The following FAM234A variants were observed in gnomAD, a reference collection of about 807,000 sequenced individuals.
FAM234A encodes family with sequence similarity 234 member A.
In FAM234A, 42 loss-of-function variants were observed where a neutral mutation model predicts 49.1. That is an observed-to-expected ratio of 0.86 (90% CI 0.67 to 1.11). The LOEUF is 1.11. FAM234A is among the 50% of genes least tolerant of loss of function. The pLI is 0.00. For synonymous variants in FAM234A, 369 were observed against 316.2 expected, an observed-to-expected ratio of 1.17 and a Z score of -1.77; for missense variants, 815 against 745.2, an observed-to-expected ratio of 1.09 and a Z score of -1.09.
chr16:264,153 G>A lies in FAM234A; in HGVS notation c.1326G>A (p.Leu442=). 6.2e-7 allele frequency: 1 copy of A among 1,604,976 alleles called. No homozygotes were observed. Among genetic ancestry groups the A allele is most frequent in the Non-Finnish European group, 8.5e-7 (1 of 1,178,858 alleles). The change falls in exon 11 of 13, where the codon CTG becomes CTA. Residue 442 remains leucine, a synonymous_variant. Coordinates refer to ENST00000399932, the MANE Select transcript of FAM234A (RefSeq NM_032039.4). ...SAFFFWGLHE[L]GSTSETETGE... is the part of the protein sequence containing the mutation. ...TCTTCTTCTGGGGCCTCCACGAGCTGGGGAGCACCAGCGAGACGGTACGGG... is the reference window on the plus strand; with the variant it reads ...TCTTCTTCTGGGGCCTCCACGAGCTAGGGAGCACCAGCGAGACGGTACGGG...
At chr16:239,069 G>A (rs868867971) in intron 1 of FAM234A, among the ~76,000 whole-genome samples, 4 of 145,382 alleles carry the variant, frequency 2.8e-5, no homozygotes, top group Admixed American at 1.4e-4. Context: ...GCGACAGAGC[G>A]AGCCTACGTC....
chr16:259,238 A>T (rs2051359546), intron 3 of FAM234A, among the ~76,000 whole-genome samples: 1 of 152,182 alleles, frequency 6.6e-6, no homozygotes, highest in Non-Finnish European at 1.5e-5. Context: ...GTGCCAGAAC[A>T]TCCAATTCTT....
In FAM234A at chr16:265,683, G is replaced by A; in HGVS notation, c.*661G>A. On this transcript the variant is annotated 3_prime_UTR_variant, in exon 13 of 13. Transcript: ENST00000399932. ...GGTCTCCCCCAGCAGGATGGGTGGG[G>A]CCTGCTCTGGAGCTGAGCCCGTGGC... 5.1e-6 allele frequency: 5 copies of A among 985,538 alleles called. No homozygotes were observed. Among genetic ancestry groups the A allele is most frequent in the Non-Finnish European group, 6.0e-6 (5 of 830,032 alleles). 61.0% of individuals were successfully genotyped at this position (985,538 alleles called of 1,614,324 possible).
At position 264,560 on chromosome 16, in the gene FAM234A, C is replaced by T. The variant is rs539722150; in HGVS notation, c.1345-54C>T. The T allele has an allele frequency of 8.8e-5, 101 of 1,144,616 alleles. No individual in the cohort carries two copies. In the African/African-American group the frequency reaches 1.4e-3, roughly 16 times the overall value. The allele number at this position is 1,144,616 out of a possible 1,614,324, so 70.9% of individuals were successfully genotyped here. A position where few individuals can be genotyped will look rare whatever the true frequency, so the allele number is the denominator to read the frequency against. ...GGCACGGTCACTCTGACAGCAGTGT[C>T]CTGTGGGAGTGCTCAGTGAAGGGCG... On this transcript the variant is annotated intron_variant, in intron 11 of 12. Coordinates refer to ENST00000399932, the MANE Select transcript of FAM234A (RefSeq NM_032039.4).
In FAM234A at chr16:263,777, T is replaced by C. The variant is rs199973114; in HGVS notation, c.1188+2T>C. 8.9e-5 allele frequency: 143 copies of C among 1,610,548 alleles called. No homozygotes were observed. The highest frequency in any genetic ancestry group is 1.1e-4 in the Non-Finnish European group (126 of 1,176,780). On this transcript the variant is annotated splice_donor_variant, in intron 10 of 12. Coordinates refer to ENST00000399932, the MANE Select transcript of FAM234A (RefSeq NM_032039.4). LOFTEE classifies it high-confidence loss of function. ...AACGGAACTGGCACCGACAGACAGG[T>C]TCGTTGTTCTTCCTTCGGAGGTGGC...
intron 3 of FAM234A, among the ~76,000 whole-genome samples, chr16:257,752 G>A (rs1344265027): frequency 6.6e-6 from 1 of 152,160 alleles, no homozygotes; most frequent in Non-Finnish European, 1.5e-5. Context: ...TTCAGAGGCT[G>A]AGACAGGAGG....
intron 1 of FAM234A, among the ~76,000 whole-genome samples, chr16:238,661 G>T (rs1181352656): frequency 6.6e-6 from 1 of 150,992 alleles, no homozygotes; most frequent in African/African-American, 2.4e-5. Flanking sequence ...AGCCACTCCG[G>T]AGGCTGAGGC....
In FAM234A at chr16:254,479, G is replaced by A. The variant is rs374571868; in HGVS notation, c.66G>A (p.Gln22=). 2.2e-5 allele frequency: 35 copies of A among 1,614,092 alleles called. No individual in the cohort carries two copies. Among genetic ancestry groups the A allele is most frequent in the African/African-American group, 8.0e-5 (6 of 74,930 alleles). The change falls in exon 3 of 13, where the codon CAG becomes CAA. Residue 22 remains glutamine (Q), a synonymous_variant. Coordinates refer to ENST00000399932, the MANE Select transcript of FAM234A (RefSeq NM_032039.4). ...HPLKNEERKS[Q]ENLGNPSKNE... is the part of the protein sequence containing the mutation. The stretch of plus-strand genomic sequence containing the variant: ...TGAAAAATGAAGAAAGAAAATCGCA[G>A]GAAAATCTGGGAAATCCATCAAAAA...
At chr16:269,149 C>T, downstream of FAM234A, 1 of 937,070 alleles carries the variant, frequency 1.1e-6, no homozygotes, top group Non-Finnish European at 1.7e-6. Flanking sequence ...CCCCTGGGCA[C>T]AAGGGGACAC....
chr16:269,412 G>A (rs200458825), downstream of FAM234A: 2 of 1,589,548 alleles, frequency 1.3e-6, no homozygotes, highest in African/African-American at 2.7e-5. Flanking sequence ...CTGAGAACAG[G>A]CTGGCCAGCT....
In FAM234A at chr16:254,558, G is replaced by A. The variant is rs772840727; in HGVS notation, c.145G>A (p.Ala49Thr). Reference sequence around the variant, plus strand: ...ACAGTCCCGGCTCTCCCGGTGCCGAGCGGCGGCGTTTTTTCTTTCATTGTT... The same window carrying A: ...ACAGTCCCGGCTCTCCCGGTGCCGAACGGCGGCGTTTTTTCTTTCATTGTT... ...PPQSRLSRCR[A>T]AAFFLSLFLC... Residue 49 changes from alanine to threonine, a missense_variant, in exon 3 of 13, where the codon GCG becomes ACG. By Grantham distance (58) the Ala-to-Thr change is moderately conservative (BLOSUM62 0). Transcript: ENST00000399932. 6.2e-7 allele frequency: 1 copy of A among 1,614,212 alleles called. No homozygotes were observed. The highest frequency in any genetic ancestry group is 8.5e-7 in the Non-Finnish European group (1 of 1,180,050).
chr16:262,656 C>T, intron 8 of FAM234A, 103 bp downstream of exon 8: 1 of 1,256,002 alleles, frequency 8.0e-7, no homozygotes, highest in Non-Finnish European at 1.0e-6. Flanking sequence ...AGAGCAGCCC[C>T]ACCGGCAGGG....
In FAM234A at chr16:263,733, C is replaced by G; in HGVS notation, c.1146C>G (p.Thr382=). Residue 382 remains threonine, a synonymous_variant, in exon 10 of 13, where the codon ACC becomes ACG. Coordinates refer to ENST00000399932, the MANE Select transcript of FAM234A (RefSeq NM_032039.4). The part of the protein sequence containing the change: ...KPIFGRYKPD[T]LAVAVENGTG... ...TCTTCGGCCGCTACAAACCAGACAC[C>G]TTGGCTGTAGCCGTTGAAAACGGAA... 10 of 1,614,130 alleles carry G rather than the reference C, an allele frequency of 6.2e-6. No homozygotes were observed. Among genetic ancestry groups the G allele is most frequent in the Non-Finnish European group, 8.5e-6 (10 of 1,179,986 alleles).
downstream of FAM234A, among the ~76,000 whole-genome samples, chr16:266,363 G>A (rs551895071): frequency 1.6e-4 from 24 of 152,346 alleles, no homozygotes; most frequent in Non-Finnish European, 2.5e-4. Context: ...CCATGCAAGC[G>A]GGTGTGCTCC....
intron 6 of FAM234A, 97 bp downstream of exon 6, chr16:261,611 C>T (rs1161677795): frequency 9.1e-6 from 13 of 1,421,790 alleles, no homozygotes; most frequent in East Asian, 7.6e-5. Context: ...AGACAGGATT[C>T]GGGTCTGACC....
intron 1 of FAM234A, among the ~76,000 whole-genome samples, chr16:237,280 A>G (rs952475251): frequency 1.3e-5 from 2 of 151,930 alleles, no homozygotes; most frequent in African/African-American, 4.8e-5. Flanking sequence ...TAACAACACA[A>G]AGTTTAATGG....
chr16:262,372 C>A lies in FAM234A; in HGVS notation c.842-52C>A. The A allele has an allele frequency of 3.2e-6, 5 of 1,558,060 alleles. No individual in the cohort carries two copies. The East Asian group carries it at 1.1e-4, about 35-fold the overall frequency. On this transcript the variant is annotated intron_variant, in intron 7 of 12. Transcript: ENST00000399932. ...CATGTGGCACTGCGTGCCCCTGGTC[C>A]GGGTTCACAGCGTGACCCTGGTGAC...
At chr16:244,514 C>G (rs967934788) in intron 1 of FAM234A, among the ~76,000 whole-genome samples, 5 of 152,110 alleles carry the variant, frequency 3.3e-5, no homozygotes, top group Non-Finnish European at 5.9e-5. Flanking sequence ...GGTTCTTCCT[C>G]TAAAACTTAC....
intron 3 of FAM234A, among the ~76,000 whole-genome samples, chr16:255,594 T>C (rs988068942): frequency 1.3e-5 from 2 of 152,114 alleles, no homozygotes; most frequent in Non-Finnish European, 2.9e-5. Flanking sequence ...AATTCCTCAT[T>C]ATCTTTGCCA....
Sources: allele counts gnomAD v4.1 joint callset (sites outside exome capture counted in the v4.1 genomes callset), GRCh38; gene constraint gnomAD v4.1.1; transcripts MANE v1.5; gene names NCBI Gene and HGNC (gene_info 2026-07-23, HGNC 2026-07-21).